ADPRHL1: variants seen among roughly 807,000 people sequenced by gnomAD.
The protein encoded by ADPRHL1 is ADP-ribosylhydrolase like 1.
A neutral mutation model predicts 44.1 loss-of-function variants in ADPRHL1; 43 were observed. The ratio of observed to expected loss-of-function variants is 0.98; its 90% CI spans 0.76 to 1.26. The LOEUF is 1.26. ADPRHL1 is among the 50% of genes most tolerant of loss of function. The pLI, the probability that ADPRHL1 is intolerant of heterozygous loss-of-function variation, is 0.00. For synonymous variants in ADPRHL1, 878 were observed against 1,017.4 expected, an observed-to-expected ratio of 0.86 and a Z score of 2.61; for missense variants, 2,022 against 2,496.9, an observed-to-expected ratio of 0.81 and a Z score of 4.05.
chr13:113,403,135 G>A lies in ADPRHL1; in HGVS notation c.*243C>T. Reference sequence around the variant, plus strand: ...AGACACAAAGAATCCCGAGGGCCTGGTGAGGCCACAGGCCCGCACCTCCCA... The same window carrying A: ...AGACACAAAGAATCCCGAGGGCCTGATGAGGCCACAGGCCCGCACCTCCCA... On this transcript the variant is annotated 3_prime_UTR_variant, in exon 8 of 8. Coordinates refer to ENST00000612156, the MANE Select transcript of ADPRHL1 (RefSeq NM_001394807.1). 5.7e-6 allele frequency: 2 copies of A among 349,502 alleles called. No homozygotes were observed. Among genetic ancestry groups the A allele is most frequent in the Non-Finnish European group, 1.0e-5 (2 of 195,480 alleles). The allele number at this position is 349,502 out of a possible 1,614,324, so 21.7% of individuals were successfully genotyped here.
rs990502368 is a variant in ADPRHL1, at chr13:113,407,593, G to A, written c.1689C>T (p.Ser563=). 68 of 1,232,068 alleles carry A rather than the reference G, an allele frequency of 5.5e-5. No individual in the cohort carries two copies. The African/African-American group carries it at 7.1e-4, about 13-fold the overall frequency. 76.3% of individuals were successfully genotyped at this position (1,232,068 alleles called of 1,614,324 possible). Residue 563 remains serine, a synonymous_variant, in exon 8 of 8, where the codon TCC becomes TCT. Coordinates refer to ENST00000612156, the MANE Select transcript of ADPRHL1 (RefSeq NM_001394807.1). ...TGTGCAGCCTCAGCGCACTGGCCTCGGAGCACAGGCAGCTGTTCTGCTCGA... is the reference window on the plus strand; with the variant it reads ...TGTGCAGCCTCAGCGCACTGGCCTCAGAGCACAGGCAGCTGTTCTGCTCGA... The part of the protein sequence containing the change: ...EKFEQNSCLC[S]EASALRLHTQ...
At position 113,407,524 on chromosome 13, in the gene ADPRHL1, G is replaced by A; in HGVS notation, c.1758C>T (p.His586=). 2.4e-6 allele frequency: 3 copies of A among 1,232,272 alleles called. No homozygotes were observed. Among genetic ancestry groups the A allele is most frequent in the Non-Finnish European group, 3.0e-6 (3 of 988,144 alleles). 76.3% of individuals were successfully genotyped at this position (1,232,272 alleles called of 1,614,324 possible). A position where few individuals can be genotyped will look rare whatever the true frequency, so the allele number is the denominator to read the frequency against. ...TGTGCAGCACGCGCACCTCCGGCCG[G>A]TGCATCCTCTTCCTCTGCAGGTTCC... is the stretch of plus-strand genomic sequence containing the variant. ...KKRNLQRKRM[H]RPEVRVLHTA... is the part of the protein sequence containing the mutation. Residue 586 remains histidine (H), a synonymous_variant, in exon 8 of 8, where the codon CAC becomes CAT. Coordinates refer to ENST00000612156, the MANE Select transcript of ADPRHL1 (RefSeq NM_001394807.1).
At chr13:113,412,279 A>G (rs1261438003) in intron 7 of ADPRHL1, among the ~76,000 whole-genome samples, 7 of 152,216 alleles carry the variant, frequency 4.6e-5, no homozygotes, top group South Asian at 2.1e-4. Flanking sequence ...CCAGGTTCAC[A>G]GCATTCTCCT....
chr13:113,431,742 G>A (rs778421502), intron 3 of ADPRHL1, among the ~76,000 whole-genome samples: 2 of 151,900 alleles, frequency 1.3e-5, no homozygotes, highest in African/African-American at 2.4e-5. Context: ...TTGAGATGGA[G>A]TCTGACTCTG....
chr13:113,429,375 C>T (rs1356095631), intron 3 of ADPRHL1, among the ~76,000 whole-genome samples: 3 of 152,212 alleles, frequency 2.0e-5, no homozygotes, highest in Admixed American at 6.5e-5. Flanking sequence ...TTTCTGTCTC[C>T]GGATGTGACT....
chr13:113,442,675 T>A (rs771909916), intron 2 of ADPRHL1, among the ~76,000 whole-genome samples: 13 of 152,238 alleles, frequency 8.5e-5, no homozygotes, highest in Non-Finnish European at 1.9e-4. Context: ...TGCCTTGCTG[T>A]CATTTTCTTC....
chr13:113,419,057 TCC>T (rs2043901881), intron 7 of ADPRHL1, among the ~76,000 whole-genome samples: 4 of 106,342 alleles, frequency 3.8e-5, no homozygotes, highest in Admixed American at 2.1e-4. Flanking sequence ...TTCCTTCTTC[TCC>T]TTCCTTCACT....
chr13:113,414,830 C>T (rs2043879204), intron 7 of ADPRHL1, among the ~76,000 whole-genome samples: 1 of 152,058 alleles, frequency 6.6e-6, no homozygotes. Context: ...GGCCCGCCAC[C>T]ACGCCCAGCT....
rs1566461028 is a variant in ADPRHL1, at chr13:113,401,623, A to AGGCCCCGGGG, written c.*1745_*1754dup. ...AGCACGGACCCCTGATTTATAGAGG[A>AGGCCCCGGGG]GGCCCCGGGGGCCCTGTCGGGGGAG... On this transcript the variant is annotated 3_prime_UTR_variant, in exon 8 of 8. Transcript: ENST00000612156. The surrounding 1 kb of genome is among the most constrained non-coding windows in gnomAD (Gnocchi z 5.5). 6.6e-6 allele frequency: 1 copy of AGGCCCCGGGG among 152,326 alleles called. No individual in the cohort carries two copies. The highest frequency in any genetic ancestry group is 1.5e-5 in the Non-Finnish European group (1 of 68,224). 9.4% of individuals were successfully genotyped at this position (152,326 alleles called of 1,614,324 possible). A position where few individuals can be genotyped will look rare whatever the true frequency, so the allele number is the denominator to read the frequency against.
At chr13:113,449,971 T>G (rs1218833648) in intron 1 of ADPRHL1, among the ~76,000 whole-genome samples, 1 of 152,188 alleles carries the variant, frequency 6.6e-6, no homozygotes, top group Non-Finnish European at 1.5e-5. Flanking sequence ...TTTTCTCCTG[T>G]AAGATTGTGA....
Position 113,405,385 on chromosome 13 carries a change from C to T in ADPRHL1, c.3897G>A (p.Arg1299=), listed in dbSNP as rs1418599572. Residue 1299 remains arginine (R), a synonymous_variant, in exon 8 of 8, where the codon AGG becomes AGA. Coordinates refer to ENST00000612156, the MANE Select transcript of ADPRHL1 (RefSeq NM_001394807.1). ...CCCCACGGGGAAACCTGACGCCCTC[C>T]CTGCCCTTTGCCTGTGGGTTCTCAG... ...SPPENPQAKG[R]EGVRFPRGAE... The T allele has an allele frequency of 8.1e-7, 1 of 1,231,990 alleles. No individual in the cohort carries two copies. Among genetic ancestry groups the T allele is most frequent in the Non-Finnish European group, 1.0e-6 (1 of 988,150 alleles). 76.3% of individuals were successfully genotyped at this position (1,231,990 alleles called of 1,614,324 possible). A position where few individuals can be genotyped will look rare whatever the true frequency, so the allele number is the denominator to read the frequency against.
At chr13:113,442,174 G>A (rs1398594772) in intron 2 of ADPRHL1, among the ~76,000 whole-genome samples, 1 of 152,202 alleles carries the variant, frequency 6.6e-6, no homozygotes, top group Admixed American at 6.5e-5. Flanking sequence ...AATTCTAACA[G>A]GCCAGGCATG....
intron 3 of ADPRHL1, among the ~76,000 whole-genome samples, chr13:113,430,634 C>T (rs2044000159): frequency 6.6e-6 from 1 of 151,942 alleles, no homozygotes; most frequent in Non-Finnish European, 1.5e-5. Context: ...TCAGTGGTGA[C>T]AGGACCAGTA....
chr13:113,429,727 G>A (rs1044007673), intron 3 of ADPRHL1, among the ~76,000 whole-genome samples: 9 of 152,336 alleles, frequency 5.9e-5, no homozygotes, highest in East Asian at 1.9e-4. Context: ...CTCTGGGTCC[G>A]TTGTGCACAC....
At position 113,406,200 on chromosome 13, in the gene ADPRHL1, G is replaced by A. The variant is rs1198313256; in HGVS notation, c.3082C>T (p.Pro1028Ser). 3 of 1,232,162 alleles carry A rather than the reference G, an allele frequency of 2.4e-6. No individual in the cohort carries two copies. Among genetic ancestry groups the A allele is most frequent in the Non-Finnish European group, 3.0e-6 (3 of 988,022 alleles). 76.3% of individuals were successfully genotyped at this position (1,232,162 alleles called of 1,614,324 possible). The change falls in exon 8 of 8, where the codon CCG (proline) becomes TCG (serine). Residue 1028 changes from proline (P) to serine (S), a missense_variant. By Grantham distance (74) the Pro-to-Ser change is moderately conservative. Transcript: ENST00000612156. ...GTTGGGTTTCTCCCAGTCGGGGACG[G>A]CACTTGCTGGCTGCTGGAGGCATGG... ...TSHASSSQQV[P>S]SPTGRNPTGA... is the part of the protein sequence containing the mutation.
chr13:113,453,431 T>C lies in ADPRHL1; in HGVS notation c.7A>G (p.Lys3Glu). ...CCCAGCAACATCGCAGCCTTAAATT[T>C]CTCCATCCCAGGAGGCAGCTCCTCT... is the stretch of plus-strand genomic sequence containing the variant. ME[K>E]FKAAMLLGSV... The change falls in exon 1 of 8, where the codon AAA (lysine) becomes GAA (glutamate). Residue 3 changes from lysine to glutamate, a missense_variant. Coordinates refer to ENST00000612156, the MANE Select transcript of ADPRHL1 (RefSeq NM_001394807.1). The surrounding 1 kb of genome is among the most constrained non-coding windows in gnomAD (Gnocchi z 5.4). The C allele has an allele frequency of 6.2e-7, 1 of 1,614,042 alleles. No homozygotes were observed. The highest frequency in any genetic ancestry group is 1.3e-5 in the African/African-American group (1 of 75,010).
At position 113,429,023 on chromosome 13, in the gene ADPRHL1, C is replaced by T. The variant is rs754691717; in HGVS notation, c.575G>A (p.Trp192Ter). 4 of 1,612,906 alleles carry T rather than the reference C, an allele frequency of 2.5e-6. No individual in the cohort carries two copies. Among genetic ancestry groups the T allele is most frequent in the East Asian group, 2.2e-5 (1 of 44,880 alleles). ...FAAQGKPLVQ[W>*]GRDMLRAVPL... is the part of the protein sequence containing the mutation. ...CACCGCCCGCAGCATGTCTCTCCCC[C>T]ACTGGACCAGGGGCTTTCCTTGTGC... Residue 192 changes from tryptophan to a stop codon, truncating the protein, a stop_gained, in exon 4 of 8, where the codon TGG becomes TAG. Coordinates refer to ENST00000612156, the MANE Select transcript of ADPRHL1 (RefSeq NM_001394807.1). LOFTEE classifies it high-confidence loss of function.
chr13:113,428,267 G>A (rs1391283886), intron 4 of ADPRHL1, among the ~76,000 whole-genome samples: 2 of 148,240 alleles, frequency 1.3e-5, no homozygotes, highest in African/African-American at 5.0e-5. Flanking sequence ...AAATCAAGAA[G>A]ACTTCAGCCT....
At chr13:113,426,297 C>G (rs111765957) in intron 4 of ADPRHL1, among the ~76,000 whole-genome samples, 14 of 152,328 alleles carry the variant, frequency 9.2e-5, no homozygotes, top group African/African-American at 3.4e-4. Flanking sequence ...TTACGGTGAG[C>G]ACCCCTGCCC....
Sources: gnomAD v4.1 joint callset for allele counts (sites outside exome capture counted in the v4.1 genomes callset) on GRCh38, gnomAD v4.1.1 for gene constraint, Gnocchi (gnomAD v3.1) non-coding constraint, MANE v1.5 for transcripts, NCBI Gene and HGNC (gene_info 2026-07-23, HGNC 2026-07-21) for gene names.